ROBO2: variants seen among roughly 807,000 people sequenced by gnomAD.
ROBO2 encodes the protein roundabout guidance receptor 2, also known as roundabout homolog 2.
Under a neutral mutation model 160.8 loss-of-function variants are expected in ROBO2, and 53 were observed. That is an observed-to-expected ratio of 0.33 (90% CI 0.26 to 0.41). ROBO2 has a LOEUF of 0.41. ROBO2 is among the 10% of genes least tolerant of loss of function. The pLI, the probability that ROBO2 is intolerant of heterozygous loss-of-function variation, is 1.00. For missense variants in ROBO2, 1,577 were observed against 1,722.4 expected, an observed-to-expected ratio of 0.92 and a Z score of 1.49; for synonymous variants, 664 against 611.7, an observed-to-expected ratio of 1.09 and a Z score of -1.26.
intron 2 of ROBO2, among the ~76,000 whole-genome samples, chr3:76,869,731 A>G (rs1226096575): frequency 6.6e-6 from 1 of 152,066 alleles, no homozygotes; most frequent in African/African-American, 2.4e-5. Flanking sequence ...AATTTATTCT[A>G]TTTCCTGCAT....
intron 2 of ROBO2, among the ~76,000 whole-genome samples, chr3:76,941,998 G>T (rs2078218396): frequency 6.6e-6 from 1 of 152,240 alleles, no homozygotes; most frequent in Admixed American, 6.5e-5. Context: ...TTATATAAAA[G>T]AAACAGTGTG....
chr3:77,428,602 C>T (rs548640074), intron 2 of ROBO2, among the ~76,000 whole-genome samples: 11 of 150,910 alleles, frequency 7.3e-5, no homozygotes, highest in South Asian at 2.1e-4. Context: ...ATGATCCACC[C>T]GCCTCGGCCT....
At chr3:76,033,186 G>A (rs1052909209) in intron 2 of ROBO2, among the ~76,000 whole-genome samples, 24 of 151,722 alleles carry the variant, frequency 1.6e-4, no homozygotes, top group African/African-American at 5.6e-4. Flanking sequence ...TATCATGGTT[G>A]GGACATAACT....
At chr3:76,575,486 T>C (rs956776411) in intron 2 of ROBO2, among the ~76,000 whole-genome samples, 2 of 152,052 alleles carry the variant, frequency 1.3e-5, no homozygotes, top group Non-Finnish European at 2.9e-5. Context: ...TTGAAAATGT[T>C]CAAACTGGTT....
intron 2 of ROBO2, among the ~76,000 whole-genome samples, chr3:75,997,196 A>G (rs1484466008): frequency 2.0e-5 from 3 of 152,200 alleles, no homozygotes; most frequent in Non-Finnish European, 4.4e-5. Flanking sequence ...ATTTTAGCAC[A>G]TATGTTAATG....
chr3:76,891,577 A>G (rs2074347648), intron 2 of ROBO2, among the ~76,000 whole-genome samples: 1 of 150,494 alleles, frequency 6.6e-6, no homozygotes, highest in Non-Finnish European at 1.5e-5. Flanking sequence ...AGTTGATGGT[A>G]TTTCAAGACA....
intron 2 of ROBO2, among the ~76,000 whole-genome samples, chr3:76,156,147 C>T (rs1452081750): frequency 6.6e-6 from 1 of 151,366 alleles, no homozygotes; most frequent in Non-Finnish European, 1.5e-5. Flanking sequence ...ATTACTTTTT[C>T]TGAATCAGAA....
intron 2 of ROBO2, among the ~76,000 whole-genome samples, chr3:76,746,270 C>T (rs1428863240): frequency 8.2e-4 from 125 of 151,592 alleles, no homozygotes; most frequent in African/African-American, 2.6e-3. Context: ...TCTTTGCTAT[C>T]GTGAATAGTG....
chr3:77,053,993 A>G (rs2065469559), intron 1 of ROBO2, among the ~76,000 whole-genome samples: 1 of 152,210 alleles, frequency 6.6e-6, no homozygotes. Context: ...TTCTCTTTCA[A>G]TGAATGTGGC....
intron 2 of ROBO2, among the ~76,000 whole-genome samples, chr3:77,122,332 A>G (rs2074861973): frequency 1.3e-5 from 2 of 152,064 alleles, no homozygotes; most frequent in African/African-American, 4.8e-5. Context: ...TCATGAACAT[A>G]TTTTCTTGTT....
chr3:77,484,890 G>C (rs941198054), intron 4 of ROBO2, among the ~76,000 whole-genome samples: 44 of 151,838 alleles, frequency 2.9e-4, no homozygotes, highest in African/African-American at 9.9e-4. Context: ...GTTCTTCTTT[G>C]AATTAATAAT....
At chr3:76,685,485 T>C (rs2107061046) in intron 2 of ROBO2, among the ~76,000 whole-genome samples, 1 of 152,022 alleles carries the variant, frequency 6.6e-6, no homozygotes. Flanking sequence ...AGAACAAACA[T>C]GTTAGTGATT....
At chr3:77,392,465 C>T (rs2074837114) in intron 2 of ROBO2, among the ~76,000 whole-genome samples, 1 of 152,208 alleles carries the variant, frequency 6.6e-6, no homozygotes, top group African/African-American at 2.4e-5. Flanking sequence ...ACAATGGACA[C>T]CACAATGCCT....
intron 2 of ROBO2, among the ~76,000 whole-genome samples, chr3:77,005,134 G>C: frequency 6.6e-6 from 1 of 152,098 alleles, no homozygotes; most frequent in East Asian, 1.9e-4. Flanking sequence ...TCTTCCCACC[G>C]CTCAGACCTT....
At chr3:76,214,763 A>C (rs1051710505) in intron 2 of ROBO2, among the ~76,000 whole-genome samples, 1 of 152,192 alleles carries the variant, frequency 6.6e-6, no homozygotes, top group Non-Finnish European at 1.5e-5. Flanking sequence ...AAAAGACAGC[A>C]ATAACATCTG....
At chr3:76,705,124 C>T in intron 2 of ROBO2, among the ~76,000 whole-genome samples, 1 of 152,072 alleles carries the variant, frequency 6.6e-6, no homozygotes, top group East Asian at 1.9e-4. Flanking sequence ...ATACAGGAGA[C>T]TGGATTTGGC....
At chr3:76,877,292 G>A (rs1031688979) in intron 2 of ROBO2, among the ~76,000 whole-genome samples, 7 of 152,072 alleles carry the variant, frequency 4.6e-5, no homozygotes, top group Non-Finnish European at 8.8e-5. Context: ...AGTCTTAATC[G>A]TACGCAAACA....
At chr3:77,434,228 A>G (rs1422521595) in intron 2 of ROBO2, among the ~76,000 whole-genome samples, 2 of 152,030 alleles carry the variant, frequency 1.3e-5, no homozygotes, top group Non-Finnish European at 2.9e-5. Flanking sequence ...TCCTTAGCCT[A>G]GATAACCCCT....
At chr3:77,404,142 G>A (rs2076065087) in intron 2 of ROBO2, among the ~76,000 whole-genome samples, 1 of 152,048 alleles carries the variant, frequency 6.6e-6, no homozygotes, top group African/African-American at 2.4e-5. Flanking sequence ...ATGGATTCTT[G>A]GTTTTTAAAT....
Sources: allele counts gnomAD v4.1 joint callset (sites outside exome capture counted in the v4.1 genomes callset), GRCh38; gene constraint gnomAD v4.1.1; transcripts MANE v1.5; gene names NCBI Gene and HGNC (gene_info 2026-07-23, HGNC 2026-07-21).